ROBO2: variants seen among roughly 807,000 people sequenced by gnomAD.
The protein encoded by ROBO2 is roundabout guidance receptor 2, also known as roundabout homolog 2.
In ROBO2, 53 loss-of-function variants were observed where a neutral mutation model predicts 160.8. The observed-to-expected ratio is 0.33, with a 90% CI of 0.26 to 0.41. The LOEUF (loss-of-function observed/expected upper bound fraction) is 0.41. Ranked by LOEUF, ROBO2 falls within the 10% of genes least tolerant of loss-of-function variation. The probability of loss-of-function intolerance (pLI) is 1.00; values close to 1 mark genes in which losing one functional copy is unlikely to be tolerated. For synonymous variants in ROBO2, 664 were observed against 611.7 expected (o/e 1.09, Z -1.26); for missense variants, 1,577 against 1,722.4 (o/e 0.92, Z 1.49).
chr3:75,965,489 T>C (rs1316354433), intron 2 of ROBO2, among the ~76,000 whole-genome samples: 1 of 152,122 alleles, frequency 6.6e-6, no homozygotes, highest in African/African-American at 2.4e-5. Context: ...CTTTGTCCTT[T>C]GTGATTAGTG....
chr3:76,059,384 AT>A (rs2067983622), intron 2 of ROBO2, among the ~76,000 whole-genome samples: 1 of 151,932 alleles, frequency 6.6e-6, no homozygotes, highest in Admixed American at 6.6e-5. Context: ...TTTGATTTGC[AT>A]TTCTCTGATG....
rs749043409 is a variant in ROBO2 at position 76,273,120 on chromosome 3, A to AATATATATATATATATATAT, written c.109+335526_109+335545dup. 5.1e-3 allele frequency among the ~76,000 whole-genome samples: 165 copies of AATATATATATATATATATAT among 32,302 alleles called. 1 individual carries two copies. The highest frequency in any genetic ancestry group is 8.7e-3 in the African/African-American group (153 of 17,546). 21.2% of individuals were successfully genotyped at this position (32,302 alleles called of 152,430 possible). A position where few individuals can be genotyped will look rare whatever the true frequency, so the allele number is the denominator to read the frequency against. On this transcript the variant is annotated intron_variant, in intron 2 of 26. Coordinates refer to the ROBO2 transcript ENST00000487694. The stretch of plus-strand genomic sequence containing the variant: ...ACACACATATACACACACACATATA[A>AATATATATATATATATATAT]ATATATATATATATATATATATATA...
At chr3:77,094,243 G>A (rs747020985) in intron 1 of ROBO2, among the ~76,000 whole-genome samples, 5 of 152,180 alleles carry the variant, frequency 3.3e-5, no homozygotes, top group South Asian at 2.1e-4. Context: ...AAATGGAATC[G>A]TACAATATAT....
chr3:77,133,900 A>C (rs1420153538), intron 2 of ROBO2, among the ~76,000 whole-genome samples: 1 of 152,224 alleles, frequency 6.6e-6, no homozygotes, highest in Non-Finnish European at 1.5e-5. Flanking sequence ...TTCCAAGCAA[A>C]ATTGTTCAGA....
At chr3:76,955,538 G>A (rs72631213) in intron 2 of ROBO2, among the ~76,000 whole-genome samples, 21,499 of 151,966 alleles carry the variant, frequency 0.14, 1,803 homozygotes, top group South Asian at 0.19. Flanking sequence ...CTTTATTATA[G>A]CCATCATAAC....
At chr3:76,106,434 C>A (rs932243379) in intron 2 of ROBO2, among the ~76,000 whole-genome samples, 2 of 151,994 alleles carry the variant, frequency 1.3e-5, no homozygotes, top group Non-Finnish European at 2.9e-5. Flanking sequence ...TATATATAGT[C>A]CCAAAGTTTG....
chr3:76,229,180 T>G (rs112684497), intron 2 of ROBO2, among the ~76,000 whole-genome samples: 7,959 of 152,262 alleles, frequency 0.052, 277 homozygotes, highest in East Asian at 0.14. Flanking sequence ...ATTAGAAAAC[T>G]AATGATTTCT....
chr3:76,034,411 A>G lies in ROBO2; in HGVS notation c.109+96809A>G, dbSNP rs1259829884. Among the ~76,000 whole-genome samples, 4 of 152,302 alleles carry G rather than the reference A, an allele frequency of 2.6e-5. 1 individual carries two copies. The highest frequency in any genetic ancestry group is 9.6e-5 in the African/African-American group (4 of 41,556). ...TATTATATTTTTCTCCCCGTGTGAA[A>G]TAGACAAGTCACCTATACTAATTTT... On this transcript the variant is annotated intron_variant, in intron 2 of 26. Coordinates refer to the ROBO2 transcript ENST00000487694.
At chr3:77,498,047 A>G (rs2087035874) in intron 5 of ROBO2, among the ~76,000 whole-genome samples, 1 of 152,146 alleles carries the variant, frequency 6.6e-6, no homozygotes, top group African/African-American at 2.4e-5. Context: ...TCTAATTGTG[A>G]ATTCTTATCT....
chr3:76,090,722 C>A (rs1050139767), intron 2 of ROBO2, among the ~76,000 whole-genome samples: 13 of 152,070 alleles, frequency 8.5e-5, no homozygotes, highest in East Asian at 1.9e-4. Flanking sequence ...AAAACAGTGT[C>A]GTGTTGGTGA....
At chr3:76,583,368 G>T (rs1367414263) in intron 2 of ROBO2, among the ~76,000 whole-genome samples, 1 of 152,114 alleles carries the variant, frequency 6.6e-6, no homozygotes, top group Non-Finnish European at 1.5e-5. Context: ...GTTCCCCATA[G>T]CTCTGATATG....
intron 14 of ROBO2, 34 bp downstream of exon 15, chr3:77,574,764 T>G: frequency 6.7e-7 from 1 of 1,503,578 alleles, no homozygotes; most frequent in African/African-American, 1.4e-5. Flanking sequence ...AAATCAAACA[T>G]GATGAAACCA....
At chr3:77,271,102 A>G (rs116127393) in intron 2 of ROBO2, among the ~76,000 whole-genome samples, 3,690 of 152,214 alleles carry the variant, frequency 0.024, 48 homozygotes, top group Middle Eastern at 0.041. Context: ...TGCAAACACT[A>G]TATGTTATCA....
intron 2 of ROBO2, among the ~76,000 whole-genome samples, chr3:77,355,547 G>A (rs775319345): frequency 2.0e-5 from 3 of 152,034 alleles, no homozygotes; most frequent in Admixed American, 6.6e-5. Context: ...GCTGAGATGC[G>A]GATTCAGGAA....
At chr3:76,493,147 T>C (rs1308809300) in intron 2 of ROBO2, among the ~76,000 whole-genome samples, 1 of 151,718 alleles carries the variant, frequency 6.6e-6, no homozygotes, top group Non-Finnish European at 1.5e-5. Context: ...GGTAGAAATG[T>C]ATTTGACTGT....
intron 2 of ROBO2, among the ~76,000 whole-genome samples, chr3:76,601,749 C>T (rs911739216): frequency 5.9e-5 from 9 of 152,182 alleles, no homozygotes; most frequent in Non-Finnish European, 1.2e-4. Context: ...GCCATTTTCC[C>T]CCATAGTCCT....
Position 76,805,733 on chromosome 3 carries a change from T to C in ROBO2, c.110-292281T>C, listed in dbSNP as rs6762347. 1.4e-3 allele frequency among the ~76,000 whole-genome samples: 214 copies of C among 151,706 alleles called. 1 individual carries two copies. Among genetic ancestry groups the C allele is most frequent in the African/African-American group, 5.0e-3 (209 of 41,424 alleles). On this transcript the variant is annotated intron_variant, in intron 2 of 26. Coordinates refer to the ROBO2 transcript ENST00000487694. ...GTATTCCAACCTACTGGTATTTATA[T>C]ATCAATAAGCAACCTTCACATCTTA...
At chr3:77,499,004 T>G (rs2087170330) in intron 5 of ROBO2, among the ~76,000 whole-genome samples, 1 of 152,346 alleles carries the variant, frequency 6.6e-6, no homozygotes, top group South Asian at 2.1e-4. Flanking sequence ...AGAAAAAGTG[T>G]AAATGAAAAA....
chr3:76,242,241 G>A (rs1705332642), intron 2 of ROBO2, among the ~76,000 whole-genome samples: 4 of 151,856 alleles, frequency 2.6e-5, no homozygotes, highest in Admixed American at 2.6e-4. Context: ...TTATGGATCT[G>A]TGCACTCTTG....
Sources: gnomAD v4.1 joint callset for allele counts (sites outside exome capture counted in the v4.1 genomes callset) on GRCh38, gnomAD v4.1.1 for gene constraint, MANE v1.5 for transcripts, NCBI Gene and HGNC (gene_info 2026-07-23, HGNC 2026-07-21) for gene names.